The following GLIS3 variants were observed in gnomAD, a reference collection of about 807,000 sequenced individuals.
GLIS3 encodes the protein zinc finger protein GLIS3.
In GLIS3, 53 loss-of-function variants were observed where a neutral mutation model predicts 78.6. That is an observed-to-expected ratio of 0.67 (90% confidence interval 0.54 to 0.85). GLIS3 has a LOEUF of 0.85. Among genes scored for constraint, GLIS3 ranks in the 40% least tolerant of loss-of-function variants. The pLI, the probability that GLIS3 is intolerant of heterozygous loss-of-function variation, is 0.00. For missense variants in GLIS3, 1,703 were observed against 1,231.1 expected (o/e 1.38, Z -5.74); for synonymous variants, 684 against 509.9 (o/e 1.34, Z -4.60).
At chr9:4,015,192 C>A (rs574766012) in intron 4 of GLIS3, among the ~76,000 whole-genome samples, 5 of 152,214 alleles carry the variant, frequency 3.3e-5, no homozygotes, top group African/African-American at 1.2e-4. Context: ...AATTAGCTGA[C>A]CATGGCATGG....
Position 3,904,621 on chromosome 9 carries a change from T to C in GLIS3, c.1984-5786A>G, listed in dbSNP as rs572042657. 3.9e-5 allele frequency among the ~76,000 whole-genome samples: 6 copies of C among 152,304 alleles called. No homozygotes were observed. The South Asian group carries it at 8.3e-4, about 21-fold the overall frequency. ...TCAGGAAGGAGAAAGCATCGTGCGGTTGAATCCCACAGAAAAGGGCTGGAT... is the reference window on the plus strand; with the variant it reads ...TCAGGAAGGAGAAAGCATCGTGCGGCTGAATCCCACAGAAAAGGGCTGGAT... On this transcript the variant is annotated intron_variant, in intron 6 of 10. Coordinates refer to ENST00000381971, the MANE Select transcript of GLIS3 (RefSeq NM_001042413.2).
chr9:3,920,042 T>A (rs563366180), intron 6 of GLIS3, among the ~76,000 whole-genome samples: 2 of 147,244 alleles, frequency 1.4e-5, no homozygotes, highest in Admixed American at 1.4e-4. Flanking sequence ...CTCACTCTGT[T>A]GCCCAGGCTG....
At chr9:4,171,732 A>G (rs1441476611) in intron 2 of GLIS3, among the ~76,000 whole-genome samples, 1 of 152,190 alleles carries the variant, frequency 6.6e-6, no homozygotes, top group Non-Finnish European at 1.5e-5. Context: ...GATATGGATT[A>G]AGCTTAGAAC....
In GLIS3 at chr9:3,950,656, G is replaced by T. The variant is rs193204237; in HGVS notation, c.1711-13467C>A. On this transcript the variant is annotated intron_variant, in intron 4 of 10. Transcript: ENST00000381971. The stretch of plus-strand genomic sequence containing the variant: ...CAGAAAAGCATTCTCTGTCCCAGTG[G>T]TTATGTTTAGTCTCTCACATATATG... Among the ~76,000 whole-genome samples the T allele has an allele frequency of 2.0e-5, 3 of 152,298 alleles. No homozygotes were observed. The East Asian group carries it at 5.8e-4, about 29-fold the overall frequency.
chr9:3,992,279 A>G (rs1251879915), intron 4 of GLIS3, among the ~76,000 whole-genome samples: 1 of 152,232 alleles, frequency 6.6e-6, no homozygotes, highest in African/African-American at 2.4e-5. Context: ...GGAAAAAGTG[A>G]TTCATTTCAG....
intron 2 of GLIS3, among the ~76,000 whole-genome samples, chr9:4,198,755 T>G (rs1284678364): frequency 6.6e-6 from 1 of 151,940 alleles, no homozygotes; most frequent in Admixed American, 6.6e-5. Flanking sequence ...CCAAGACATA[T>G]AGTCACCAGA....
chr9:3,934,502 C>T (rs1000551332), intron 5 of GLIS3, among the ~76,000 whole-genome samples: 11 of 151,856 alleles, frequency 7.2e-5, no homozygotes, highest in African/African-American at 1.2e-4. Flanking sequence ...CTCCGCCTCC[C>T]GAGTTTAAGC....
intron 4 of GLIS3, among the ~76,000 whole-genome samples, chr9:3,991,100 A>T (rs1820194652): frequency 6.6e-6 from 1 of 152,174 alleles, no homozygotes; most frequent in African/African-American, 2.4e-5. Flanking sequence ...AGCAGCAGAA[A>T]CACCCAGCTC....
the GLIS3 span, among the ~76,000 whole-genome samples, chr9:4,399,272 T>C: frequency 6.6e-6 from 1 of 152,342 alleles, no homozygotes; most frequent in East Asian, 1.9e-4. Context: ...GTACCCCATG[T>C]ATATATTATT....
chr9:3,949,983 C>T (rs1356032418), intron 4 of GLIS3, among the ~76,000 whole-genome samples: 1 of 152,196 alleles, frequency 6.6e-6, no homozygotes, highest in Non-Finnish European at 1.5e-5. Flanking sequence ...TGAGGGCTCA[C>T]AGGCATCTCA....
At chr9:3,860,439 C>G (rs1477178550) in intron 8 of GLIS3, among the ~76,000 whole-genome samples, 1 of 152,068 alleles carries the variant, frequency 6.6e-6, no homozygotes, top group Admixed American at 6.6e-5. Context: ...ATTGCTTGCT[C>G]AGCCCCAACC....
At chr9:4,255,861 TG>T (rs1370205773) in intron 2 of GLIS3, among the ~76,000 whole-genome samples, 1 of 152,062 alleles carries the variant, frequency 6.6e-6, no homozygotes, top group Non-Finnish European at 1.5e-5. Context: ...CTATGGACTC[TG>T]GGTAATCATG....
intron 4 of GLIS3, among the ~76,000 whole-genome samples, chr9:4,045,395 G>A (rs892251923): frequency 6.6e-6 from 1 of 152,042 alleles, no homozygotes; most frequent in Non-Finnish European, 1.5e-5. Flanking sequence ...GAGTGCAGTG[G>A]TGCGATCTCG....
At chr9:4,324,493 A>G (rs1383675244) in intron 2 of GLIS3, among the ~76,000 whole-genome samples, 2 of 152,230 alleles carry the variant, frequency 1.3e-5, no homozygotes, top group Non-Finnish European at 2.9e-5. Flanking sequence ...TTTGTCAACT[A>G]TAAGAGACAA....
In GLIS3 at chr9:3,941,679, G is replaced by GT. The variant is rs113533255; in HGVS notation, c.1711-4491dup. ...ACATATGGGAAAAGGGCATGAAACTGTAAGTGATAGAACTTACACTCATGG... is the reference window on the plus strand; with the variant it reads ...ACATATGGGAAAAGGGCATGAAACTGTTAAGTGATAGAACTTACACTCATGG... On this transcript the variant is annotated intron_variant, in intron 4 of 10. Transcript: ENST00000381971. Among the ~76,000 whole-genome samples the GT allele has an allele frequency of 2.5e-3, 377 of 152,290 alleles. 2 individuals are homozygous for GT. Among genetic ancestry groups the GT allele is most frequent in the African/African-American group, 8.9e-3 (372 of 41,574 alleles).
intron 2 of GLIS3, among the ~76,000 whole-genome samples, chr9:4,229,840 A>G (rs1181600602): frequency 1.3e-5 from 2 of 152,232 alleles, no homozygotes; most frequent in Non-Finnish European, 2.9e-5. Context: ...GGTTCCTGAG[A>G]ATAATTTCTG....
At chr9:4,323,082 A>G (rs1252457481) in intron 2 of GLIS3, among the ~76,000 whole-genome samples, 1 of 152,186 alleles carries the variant, frequency 6.6e-6, no homozygotes, top group Non-Finnish European at 1.5e-5. Context: ...TCTTGAATTA[A>G]TTTTTGTATA....
chr9:4,247,263 G>A (rs1305440407), intron 2 of GLIS3, among the ~76,000 whole-genome samples: 1 of 152,074 alleles, frequency 6.6e-6, no homozygotes, highest in East Asian at 1.9e-4. Context: ...GTTTTAAGGG[G>A]ATATAGCCTT....
chr9:4,302,249 C>G (rs1290334058), upstream of GLIS3, among the ~76,000 whole-genome samples: 1 of 152,188 alleles, frequency 6.6e-6, no homozygotes, highest in Non-Finnish European at 1.5e-5. Context: ...GAATCATACT[C>G]TGGCAGCCCT....
Sources: allele counts gnomAD v4.1 joint callset (sites outside exome capture counted in the v4.1 genomes callset), GRCh38; gene constraint gnomAD v4.1.1; transcripts MANE v1.5; gene names NCBI Gene and HGNC (gene_info 2026-07-23, HGNC 2026-07-21).